SPAG17: variants seen among roughly 807,000 people sequenced by gnomAD.
SPAG17 encodes sperm-associated antigen 17.
A neutral mutation model predicts 273.6 loss-of-function variants in SPAG17; 169 were observed. The ratio of observed to expected loss-of-function variants is 0.62; its 90% CI spans 0.55 to 0.70. The LOEUF is 0.70. SPAG17 is among the 30% of genes least tolerant of loss of function. SPAG17 has a pLI of 0.00. For missense variants in SPAG17, 2,557 were observed against 2,627.8 expected (o/e 0.97, Z 0.59); for synonymous variants, 825 against 873.2 (o/e 0.94, Z 0.97).
At chr1:118,060,923 C>T (rs1652217053) in intron 18 of SPAG17, among the ~76,000 whole-genome samples, 2 of 152,150 alleles carry the variant, frequency 1.3e-5, no homozygotes, top group Admixed American at 1.3e-4. Context: ...TCTTTACTGG[C>T]TAGATTTGGT....
At chr1:118,150,371 T>A (rs1233818745) in intron 3 of SPAG17, 172 bp downstream of exon 3, 3 of 398,042 alleles carry the variant, frequency 7.5e-6, no homozygotes, top group African/African-American at 2.1e-5. Flanking sequence ...ATTTTAAAAT[T>A]TTAAAAGGAG....
At chr1:118,161,918 T>C (rs927530531) in intron 1 of SPAG17, among the ~76,000 whole-genome samples, 1 of 152,126 alleles carries the variant, frequency 6.6e-6, no homozygotes, top group African/African-American at 2.4e-5. Flanking sequence ...AGGGGAGGAA[T>C]GGTGTATGTA....
At chr1:118,103,277 A>G (rs1254623459) in intron 4 of SPAG17, among the ~76,000 whole-genome samples, 2 of 152,224 alleles carry the variant, frequency 1.3e-5, no homozygotes, top group Admixed American at 6.5e-5. Flanking sequence ...GCCAGGCTTT[A>G]CACACATCTC....
At chr1:118,176,886 A>G (rs1312094968) in intron 1 of SPAG17, among the ~76,000 whole-genome samples, 3 of 152,196 alleles carry the variant, frequency 2.0e-5, no homozygotes, top group African/African-American at 4.8e-5. Context: ...CTGGAAATCA[A>G]TAACAAGAGA....
chr1:117,989,769 G>A (rs1375045343), intron 38 of SPAG17, among the ~76,000 whole-genome samples: 3 of 151,722 alleles, frequency 2.0e-5, no homozygotes, highest in African/African-American at 7.3e-5. Context: ...CCATAGAGAT[G>A]GGGTTTCGCC....
chr1:117,991,433 A>T lies in SPAG17; in HGVS notation c.5457T>A (p.Asp1819Glu), dbSNP rs910477005. The T allele has an allele frequency of 5.0e-6, 8 of 1,607,874 alleles. No individual in the cohort carries two copies. Among genetic ancestry groups the T allele is most frequent in the African/African-American group, 1.3e-5 (1 of 74,566 alleles). Residue 1819 changes from aspartate (D) to glutamate (E), a missense_variant, in exon 37 of 49, where the codon GAT (aspartate) becomes GAA (glutamate). By Grantham distance (45) the Asp-to-Glu change is conservative. Coordinates refer to ENST00000336338, the MANE Select transcript of SPAG17 (RefSeq NM_206996.4). ...RTEEERGNAA[D>E]LLKLVMSFPK... is the part of the protein sequence containing the mutation. The stretch of plus-strand genomic sequence containing the variant: ...TTCTCACCATAACCAGCTTGAGGAG[A>T]TCAGCAGCATTGCCTCTCTCCTCCT...
intron 3 of SPAG17, among the ~76,000 whole-genome samples, chr1:118,143,648 T>A (rs189662335): frequency 4.6e-5 from 7 of 152,326 alleles, no homozygotes; most frequent in Non-Finnish European, 1.0e-4. Flanking sequence ...ACTTTTATTA[T>A]CACCATATGT....
At chr1:118,019,159 G>C (rs570918360) in intron 28 of SPAG17, among the ~76,000 whole-genome samples, 107 of 151,446 alleles carry the variant, frequency 7.1e-4, no homozygotes, top group African/African-American at 2.5e-3. Flanking sequence ...ATTCAAGTGA[G>C]AGCCAGAAGA....
At chr1:118,057,675 TAA>T (rs1651849025) in intron 18 of SPAG17, among the ~76,000 whole-genome samples, 1 of 152,128 alleles carries the variant, frequency 6.6e-6, no homozygotes, top group Non-Finnish European at 1.5e-5. Flanking sequence ...ACATTGGATA[TAA>T]GTTAAAAGGT....
Position 118,067,790 on chromosome 1 carries a change from A to T in SPAG17, c.2386-891T>A, listed in dbSNP as rs183931452. 9.8e-5 allele frequency among the ~76,000 whole-genome samples: 15 copies of T among 152,322 alleles called. No homozygotes were observed. In the East Asian group the frequency reaches 2.9e-3, roughly 29 times the overall value. On this transcript the variant is annotated intron_variant, in intron 17 of 48. Coordinates refer to ENST00000336338, the MANE Select transcript of SPAG17 (RefSeq NM_206996.4). ...ACTGTGTGTTATGGTGCCAGGGCTC[A>T]TCCCTGTTTTCCAACTCTAAATTTT...
chr1:118,090,844 C>T (rs1655326402), intron 10 of SPAG17, among the ~76,000 whole-genome samples: 1 of 152,052 alleles, frequency 6.6e-6, no homozygotes, highest in African/African-American at 2.4e-5. Context: ...GATTGTGCTA[C>T]TGCACTCCAG....
chr1:117,985,332 T>C (rs985921574), intron 40 of SPAG17, among the ~76,000 whole-genome samples: 2 of 152,292 alleles, frequency 1.3e-5, no homozygotes, highest in South Asian at 4.1e-4. Flanking sequence ...GCCAATGAGA[T>C]GTAAACTTAA....
intron 47 of SPAG17, chr1:117,965,471 C>T (rs1251574314): frequency 6.6e-6 from 1 of 152,178 alleles, no homozygotes; most frequent in African/African-American, 2.4e-5. Context: ...GATTCATTAC[C>T]TCAGCCCAAA....
intron 5 of SPAG17, 25 bp downstream of exon 5, chr1:118,101,715 C>T: frequency 1.3e-6 from 2 of 1,598,768 alleles, no homozygotes; most frequent in Non-Finnish European, 1.7e-6. Context: ...GTGAAAGGCA[C>T]CGCCGGCAGC....
chr1:117,995,695 AACACACAC>A (rs10570645), intron 34 of SPAG17, among the ~76,000 whole-genome samples: 4,315 of 140,806 alleles, frequency 0.031, 84 homozygotes, highest in Non-Finnish European at 0.044. Context: ...AAGATGAAAT[AACACACAC>A]ACACACACAC....
chr1:118,091,951 C>A lies in SPAG17; in HGVS notation c.1225G>T (p.Glu409Ter). Residue 409 changes from glutamate (E) to a stop codon, truncating the protein, a stop_gained, in exon 9 of 49, where the codon GAA (glutamate) becomes TAA (stop). Coordinates refer to ENST00000336338, the MANE Select transcript of SPAG17 (RefSeq NM_206996.4). LOFTEE classifies it high-confidence loss of function. Reference sequence around the variant, plus strand: ...ATGCCTGGTGGTGGAGCTTGCGGTTCTTCATACTGTGCTTTCTTCTTTCCA... The same window carrying A: ...ATGCCTGGTGGTGGAGCTTGCGGTTATTCATACTGTGCTTTCTTCTTTCCA... ...APGKKKAQYE[E>*]PQAPPPVTSV... is the part of the protein sequence containing the mutation. 1 of 1,613,660 alleles carries A rather than the reference C, an allele frequency of 6.2e-7. No homozygotes were observed. Among genetic ancestry groups the A allele is most frequent in the Non-Finnish European group, 8.5e-7 (1 of 1,179,664 alleles).
At chr1:117,968,870 C>A (rs1047807517) in intron 46 of SPAG17, among the ~76,000 whole-genome samples, 2 of 152,344 alleles carry the variant, frequency 1.3e-5, no homozygotes, top group South Asian at 2.1e-4. Context: ...CAGACTAACT[C>A]ACTTCATTCT....
intron 20 of SPAG17, among the ~76,000 whole-genome samples, chr1:118,045,752 G>A (rs1557951444): frequency 6.6e-6 from 1 of 152,202 alleles, no homozygotes; most frequent in Non-Finnish European, 1.5e-5. Flanking sequence ...AAGCAGTCTT[G>A]TGGGAGTGAG....
chr1:117,969,164 AT>A (rs138365001), intron 46 of SPAG17, among the ~76,000 whole-genome samples: 6 of 151,744 alleles, frequency 4.0e-5, no homozygotes, highest in African/African-American at 7.3e-5. Context: ...ATTAATATGC[AT>A]TTTTTTTTAC....
Sources: gnomAD v4.1 joint callset for allele counts (sites outside exome capture counted in the v4.1 genomes callset) on GRCh38, gnomAD v4.1.1 for gene constraint, MANE v1.5 for transcripts, NCBI Gene and HGNC (gene_info 2026-07-23, HGNC 2026-07-21) for gene names.